Variants in CDKAL1 observed in about 807,000 individuals in gnomAD.
CDKAL1 encodes threonylcarbamoyladenosine tRNA methylthiotransferase.
CDKAL1 carries 32 observed loss-of-function variants against 68.2 expected under a neutral mutation model. The observed-to-expected ratio is 0.47, with a 90% CI of 0.35 to 0.63. The LOEUF (loss-of-function observed/expected upper bound fraction) is 0.63, where lower values mean the gene tolerates loss of function less well. Among genes scored for constraint, CDKAL1 ranks in the 30% least tolerant of loss-of-function variants. CDKAL1 has a pLI of 0.00. For missense variants in CDKAL1, 606 were observed against 696.7 expected, an observed-to-expected ratio of 0.87 and a Z score of 1.47; for synonymous variants, 234 against 244.3, an observed-to-expected ratio of 0.96 and a Z score of 0.39.
intron 11 of CDKAL1, among the ~76,000 whole-genome samples, chr6:21,063,718 T>G (rs1185693000): frequency 6.6e-6 from 1 of 152,202 alleles, no homozygotes; most frequent in Non-Finnish European, 1.5e-5. Context: ...TAATATTGAA[T>G]TAATTTTTTT....
Position 21,230,968 on chromosome 6 carries a change from G to A in CDKAL1, c.1669G>A (p.Ala557Thr). ...CATGCCAAGGCTACATCAAGACTGT[G>A]CGCTGAGGATGTCCGTGGGCTTGGC... ...LPMPRLHQDC[A>T]LRMSVGLALL... The change falls in exon 16 of 16, where the codon GCG becomes ACG. Residue 557 changes from alanine to threonine, a missense_variant. Transcript: ENST00000274695. 3.7e-6 allele frequency: 6 copies of A among 1,613,890 alleles called. No individual in the cohort carries two copies. In the African/African-American group the frequency reaches 4.0e-5, roughly 11 times the overall value.
At chr6:20,762,743 C>T (rs1265133081) in intron 7 of CDKAL1, among the ~76,000 whole-genome samples, 1 of 152,154 alleles carries the variant, frequency 6.6e-6, no homozygotes, top group Non-Finnish European at 1.5e-5. Context: ...CTTACTTCCT[C>T]CTTAATATAA....
intron 11 of CDKAL1, among the ~76,000 whole-genome samples, chr6:21,016,690 A>G (rs1251993680): frequency 2.0e-5 from 3 of 151,766 alleles, no homozygotes; most frequent in African/African-American, 4.8e-5. Flanking sequence ...AGTGTTCCTC[A>G]GGCACACATC....
chr6:21,103,708 A>G (rs907204457), intron 12 of CDKAL1, among the ~76,000 whole-genome samples: 2 of 152,146 alleles, frequency 1.3e-5, no homozygotes, highest in African/African-American at 4.8e-5. Flanking sequence ...ACCTTGTACA[A>G]TTTGGGGAAA....
chr6:21,134,037 T>C (rs184579921), intron 13 of CDKAL1, among the ~76,000 whole-genome samples: 8 of 152,308 alleles, frequency 5.3e-5, no homozygotes, highest in African/African-American at 1.9e-4. Flanking sequence ...TTGCATCAAA[T>C]GTAGGTCATC....
At chr6:20,749,031 A>T (rs932903229) in intron 6 of CDKAL1, among the ~76,000 whole-genome samples, 2 of 151,964 alleles carry the variant, frequency 1.3e-5, no homozygotes, top group African/African-American at 4.8e-5. Flanking sequence ...CACTTCTTTT[A>T]CTCCTGAAAG....
intron 9 of CDKAL1, among the ~76,000 whole-genome samples, chr6:20,953,237 A>G (rs908133736): frequency 6.6e-6 from 1 of 152,152 alleles, no homozygotes; most frequent in Admixed American, 6.5e-5. Flanking sequence ...ATTGGTCCCC[A>G]CCTATGCAGC....
intron 4 of CDKAL1, among the ~76,000 whole-genome samples, chr6:20,640,582 G>T (rs1243733817): frequency 6.6e-6 from 1 of 152,168 alleles, no homozygotes; most frequent in Non-Finnish European, 1.5e-5. Flanking sequence ...TAGAAATTTT[G>T]AAAATAGCAG....
chr6:20,816,340 T>C (rs551732101), intron 8 of CDKAL1, among the ~76,000 whole-genome samples: 6 of 152,296 alleles, frequency 3.9e-5, no homozygotes, highest in East Asian at 1.9e-4. Context: ...GTCAAAGCTT[T>C]CTTTGTACTT....
At chr6:21,015,985 A>G (rs1162456000) in intron 11 of CDKAL1, among the ~76,000 whole-genome samples, 2 of 151,464 alleles carry the variant, frequency 1.3e-5, no homozygotes, top group Non-Finnish European at 2.9e-5. Flanking sequence ...GATACAATTC[A>G]GTTTTTGGAG....
intron 7 of CDKAL1, among the ~76,000 whole-genome samples, chr6:20,770,902 CCT>C (rs1333012537): frequency 1.7e-4 from 26 of 152,124 alleles, no homozygotes; most frequent in Non-Finnish European, 3.5e-4. Flanking sequence ...TTCAGTGTCA[CCT>C]CTCCCTGAAG....
intron 4 of CDKAL1, among the ~76,000 whole-genome samples, chr6:20,627,692 C>T (rs1480328139): frequency 6.6e-6 from 1 of 152,138 alleles, no homozygotes; most frequent in Non-Finnish European, 1.5e-5. Context: ...GATATCTTTA[C>T]TATGTTGAGT....
rs71530402 is a variant in CDKAL1, at chr6:21,232,003, G to GTTTTTTTTTTTTTTTT, written c.*969_*970insTTTTTTTTTTTTTTTT. ...TTTGATCCATTGGGGTTTTTTTTTTGTTTTTGTTTTTTTTTTTTTTTGAGT... is the reference window on the plus strand; with the variant it reads ...TTTGATCCATTGGGGTTTTTTTTTTGTTTTTTTTTTTTTTTTTTTTTGTTTTTTTTTTTTTTTGAGT... On this transcript the variant is annotated 3_prime_UTR_variant, in exon 16 of 16. Coordinates refer to ENST00000274695, the MANE Select transcript of CDKAL1 (RefSeq NM_017774.3). 1.7e-3 allele frequency: 126 copies of GTTTTTTTTTTTTTTTT among 76,036 alleles called. 4 individuals carry two copies. The highest frequency in any genetic ancestry group is 2.1e-3 in the East Asian group (6 of 2,856). 4.7% of individuals were successfully genotyped at this position (76,036 alleles called of 1,614,324 possible).
chr6:20,961,274 A>C (rs1765043775), intron 10 of CDKAL1, among the ~76,000 whole-genome samples: 1 of 152,188 alleles, frequency 6.6e-6, no homozygotes, highest in Non-Finnish European at 1.5e-5. Context: ...AAAGAACAAG[A>C]TCATGTCCTT....
chr6:20,693,129 C>CAAAAAAAA (rs70990059), intron 5 of CDKAL1, among the ~76,000 whole-genome samples: 2 of 67,616 alleles, frequency 3.0e-5, no homozygotes, highest in African/African-American at 5.6e-5. Context: ...GACTCTGTCT[C>CAAAAAAAA]AAAAAAAAAA....
chr6:21,166,140 G>A (rs1426426290), intron 13 of CDKAL1, among the ~76,000 whole-genome samples: 2 of 152,168 alleles, frequency 1.3e-5, no homozygotes, highest in Non-Finnish European at 2.9e-5. Flanking sequence ...CATATTGTTA[G>A]GAGTTGACCT....
intron 12 of CDKAL1, among the ~76,000 whole-genome samples, chr6:21,074,784 G>T (rs145607448): frequency 2.5e-4 from 38 of 152,018 alleles, no homozygotes; most frequent in African/African-American, 6.3e-4. Flanking sequence ...CAGTTTTTTG[G>T]TTTTTTCTTT....
chr6:21,129,122 G>A (rs1038422062), intron 13 of CDKAL1, among the ~76,000 whole-genome samples: 2 of 152,190 alleles, frequency 1.3e-5, no homozygotes, highest in African/African-American at 2.4e-5. Flanking sequence ...GATTGGCACA[G>A]TGCTCTGAAT....
intron 10 of CDKAL1, among the ~76,000 whole-genome samples, chr6:20,994,758 G>T (rs948791883): frequency 1.3e-5 from 2 of 152,136 alleles, no homozygotes; most frequent in African/African-American, 4.8e-5. Context: ...TGTAAAAAAT[G>T]TACATACCTT....
Sources: gnomAD v4.1 joint callset for allele counts (sites outside exome capture counted in the v4.1 genomes callset) on GRCh38, gnomAD v4.1.1 for gene constraint, MANE v1.5 for transcripts, NCBI Gene and HGNC (gene_info 2026-07-23, HGNC 2026-07-21) for gene names.